Variants in DAB2IP observed in about 807,000 individuals in gnomAD.
DAB2IP encodes the protein disabled homolog 2-interacting protein.
DAB2IP carries 28 observed loss-of-function variants against 107.2 expected under a neutral mutation model. The ratio of observed to expected loss-of-function variants is 0.26; its 90% CI spans 0.19 to 0.36. The LOEUF is 0.36. Among genes scored for constraint, DAB2IP ranks in the 10% least tolerant of loss-of-function variants. The pLI is 1.00. For synonymous variants in DAB2IP, 755 were observed against 706.4 expected (o/e 1.07, Z -1.09); for missense variants, 1,400 against 1,644.7 (o/e 0.85, Z 2.57).
chr9:121,676,485 C>T (rs1000352348), intron 1 of DAB2IP, among the ~76,000 whole-genome samples: 6 of 152,200 alleles, frequency 3.9e-5, no homozygotes, highest in Non-Finnish European at 7.3e-5. Context: ...TGTGTTCACA[C>T]CTACCAGGGA....
In DAB2IP at chr9:121,629,582, A is replaced by G. The variant is rs368801089; in HGVS notation, c.41-49096A>G. ...CCTGTCAGCTTTGCTCTTTCTGAAC[A>G]TAAAATAAGTGCCTGGGAGGCGGCC... On this transcript the variant is annotated intron_variant, in intron 1 of 16. Coordinates refer to the DAB2IP transcript ENST00000259371. Among the ~76,000 whole-genome samples, 43 of 152,258 alleles carry G rather than the reference A, an allele frequency of 2.8e-4. No individual in the cohort carries two copies. The South Asian group carries it at 8.5e-3, about 30-fold the overall frequency.
chr9:121,767,512 CAA>C (rs1834375224), intron 9 of DAB2IP, among the ~76,000 whole-genome samples: 1 of 152,184 alleles, frequency 6.6e-6, no homozygotes, highest in Admixed American at 6.5e-5. Context: ...TTCATTGTCT[CAA>C]GAGGAGCAGA....
At chr9:121,622,574 C>T (rs1054734015) in intron 1 of DAB2IP, among the ~76,000 whole-genome samples, 1 of 152,158 alleles carries the variant, frequency 6.6e-6, no homozygotes. Flanking sequence ...CCACTGCCCT[C>T]GTGTCGGGGC....
At chr9:121,771,509 G>A (rs1031105329) in intron 11 of DAB2IP, among the ~76,000 whole-genome samples, 1 of 152,144 alleles carries the variant, frequency 6.6e-6, no homozygotes, top group Non-Finnish European at 1.5e-5. Flanking sequence ...AGCCCAGGAG[G>A]GGCCAGAGAT....
intron 3 of DAB2IP, among the ~76,000 whole-genome samples, chr9:121,740,611 T>C (rs767188821): frequency 3.3e-5 from 5 of 152,170 alleles, no homozygotes; most frequent in Admixed American, 6.5e-5. Flanking sequence ...CCAACAACCC[T>C]GCCCCAAGAC....
At chr9:121,783,212 A>C (rs1319345978) in exon 16 of DAB2IP, 15 of 1,146,554 alleles carry the variant, frequency 1.3e-5, no homozygotes, top group Non-Finnish European at 1.6e-5. Context: ...AGACCCAGTG[A>C]GGGCCATGGC....
At chr9:121,766,530 G>T (rs371966536) in exon 9 of DAB2IP, 6 of 1,611,154 alleles carry the variant, frequency 3.7e-6, no homozygotes, top group East Asian at 2.2e-5. Flanking sequence ...TGTTTGCCTC[G>T]TGGAGGCAGG....
rs908347719 is a variant in DAB2IP at position 121,773,328 on chromosome 9, C to T, written c.2800C>T (p.Arg934Trp). Residue 934 changes from arginine (R) to tryptophan (W), a missense_variant, in exon 12 of 16, where the codon CGG becomes TGG. Physicochemically the swap from Arg to Trp is moderately radical, Grantham distance 101 (BLOSUM62 -3). Coordinates refer to ENST00000408936, the Ensembl canonical transcript of DAB2IP. The stretch of plus-strand genomic sequence containing the variant: ...GCCGCCACCTCCTGCCCCCCGCGGC[C>T]GGACGCCCCCCAACCTGCTGAGCAC... The T allele has an allele frequency of 7.1e-6, 11 of 1,543,054 alleles. No homozygotes were observed. Among genetic ancestry groups the T allele is most frequent in the South Asian group, 2.5e-5 (2 of 81,488 alleles).
intron 1 of DAB2IP, among the ~76,000 whole-genome samples, chr9:121,601,166 C>T (rs1294511029): frequency 1.3e-5 from 2 of 152,200 alleles, no homozygotes; most frequent in Non-Finnish European, 2.9e-5. Flanking sequence ...TTCCCCACCC[C>T]TTTTAGACAC....
At chr9:121,761,093 C>T (rs1167280027) in intron 6 of DAB2IP, among the ~76,000 whole-genome samples, 2 of 152,224 alleles carry the variant, frequency 1.3e-5, no homozygotes, top group Admixed American at 6.5e-5. Flanking sequence ...ACCTTCCGCT[C>T]CCGAAGATGG....
intron 1 of DAB2IP, among the ~76,000 whole-genome samples, chr9:121,627,170 A>AC (rs1564119888): frequency 2.1e-5 from 3 of 146,210 alleles, no homozygotes; most frequent in African/African-American, 7.6e-5. Context: ...CACACACACA[A>AC]GCATATGTAA....
exon 11 of DAB2IP, chr9:121,770,706 T>C (rs1215323737): frequency 2.5e-6 from 4 of 1,613,932 alleles, no homozygotes; most frequent in Admixed American, 1.7e-5. Context: ...AAGATGGTGA[T>C]TGAGAACGAT....
chr9:121,597,721 A>G (rs1320804763), intron 1 of DAB2IP, among the ~76,000 whole-genome samples: 1 of 152,240 alleles, frequency 6.6e-6, no homozygotes, highest in Non-Finnish European at 1.5e-5. Context: ...GGCAGAAGGT[A>G]AAACTGAGAA....
In DAB2IP at chr9:121,603,848, G is replaced by A. The variant is rs149883874; in HGVS notation, c.40+36620G>A. Among the ~76,000 whole-genome samples the A allele has an allele frequency of 1.9e-3, 294 of 152,288 alleles. 1 individual carries two copies. The highest frequency in any genetic ancestry group is 6.9e-3 in the African/African-American group (285 of 41,560). On this transcript the variant is annotated intron_variant, in intron 1 of 16. Transcript: ENST00000259371. The stretch of plus-strand genomic sequence containing the variant: ...TTCCTGTCTGGGTTTCTAGGGAGAG[G>A]TATTCATGATGGGCTCAGGGCATGG...
intron 3 of DAB2IP, chr9:121,751,851 A>G (rs1406928322): frequency 1.1e-6 from 1 of 884,522 alleles, no homozygotes; most frequent in African/African-American, 1.8e-5. Context: ...TGCCCTGGCC[A>G]AGCTCCTCTG....
exon 7 of DAB2IP, chr9:121,763,510 C>T: frequency 6.2e-7 from 1 of 1,612,316 alleles, no homozygotes; most frequent in Non-Finnish European, 8.5e-7. Flanking sequence ...CCCAGGACTT[C>T]CTGACAGACC....
chr9:121,649,829 G>T (rs997587938), upstream of DAB2IP, among the ~76,000 whole-genome samples: 1 of 152,202 alleles, frequency 6.6e-6, no homozygotes, highest in South Asian at 2.1e-4. Flanking sequence ...CTGTCCAGGG[G>T]CTTCTTTTTA....
intron 3 of DAB2IP, among the ~76,000 whole-genome samples, chr9:121,735,952 C>T (rs1398866993): frequency 6.6e-6 from 1 of 152,224 alleles, no homozygotes; most frequent in East Asian, 1.9e-4. Context: ...TCACACAGCT[C>T]ACCAGCCTGT....
At position 121,635,852 on chromosome 9, in the gene DAB2IP, A is replaced by T. The variant is rs191191285; in HGVS notation, c.41-42826A>T. On this transcript the variant is annotated intron_variant, in intron 1 of 16. Coordinates refer to the DAB2IP transcript ENST00000259371. The surrounding 1 kb of genome is among the most constrained non-coding windows in gnomAD (Gnocchi z 4.3). ...TGCCCAGGAGAGTCACATTTGTGGG[A>T]CCCTGCTGCAGAGGACCTTCCCAAG... is the stretch of plus-strand genomic sequence containing the variant. Among the ~76,000 whole-genome samples the T allele has an allele frequency of 2.7e-5, 4 of 149,606 alleles. No homozygotes were observed. In the East Asian group the frequency reaches 8.0e-4, roughly 30 times the overall value.
Sources: allele counts gnomAD v4.1 joint callset (sites outside exome capture counted in the v4.1 genomes callset), GRCh38; gene constraint gnomAD v4.1.1; non-coding constraint Gnocchi (gnomAD v3.1); transcripts MANE v1.5; gene names NCBI Gene and HGNC (gene_info 2026-07-23, HGNC 2026-07-21).